DAAM1: variants seen among roughly 807,000 people sequenced by gnomAD.
The protein encoded by DAAM1 is dishevelled associated activator of morphogenesis 1.
Under a neutral mutation model 130.0 loss-of-function variants are expected in DAAM1, and 52 were observed. That is an observed-to-expected ratio of 0.40 (90% CI 0.32 to 0.50). The LOEUF (loss-of-function observed/expected upper bound fraction) is 0.50. Ranked by LOEUF, DAAM1 falls within the 20% of genes least tolerant of loss-of-function variation. The pLI is 0.61. For missense variants in DAAM1, 1,134 were observed against 1,303.8 expected (o/e 0.87, Z 2.01); for synonymous variants, 452 against 444.5 (o/e 1.02, Z -0.21).
intron 3 of DAAM1, among the ~76,000 whole-genome samples, chr14:59,292,432 C>T (rs573737821): frequency 4.0e-4 from 61 of 152,272 alleles, no homozygotes; most frequent in African/African-American, 1.4e-3. Flanking sequence ...GTGCCACTCT[C>T]CTGGGAGCAT....
At chr14:59,204,018 A>G (rs1050797722) in intron 1 of DAAM1, among the ~76,000 whole-genome samples, 1 of 152,244 alleles carries the variant, frequency 6.6e-6, no homozygotes, top group Non-Finnish European at 1.5e-5. Context: ...TTAGGTACTC[A>G]CTTGGTGTTG....
chr14:59,296,510 G>C (rs1160797431), intron 3 of DAAM1, among the ~76,000 whole-genome samples: 3 of 152,132 alleles, frequency 2.0e-5, no homozygotes, highest in Non-Finnish European at 4.4e-5. Context: ...GGATGGTCCT[G>C]GTAGGAGAAG....
At chr14:59,234,678 T>C (rs1221842640) in intron 1 of DAAM1, among the ~76,000 whole-genome samples, 1 of 152,172 alleles carries the variant, frequency 6.6e-6, no homozygotes, top group Non-Finnish European at 1.5e-5. Context: ...ACGGGAGTGG[T>C]GAGAGAGGGC....
intron 16 of DAAM1, 55 bp downstream of exon 16, chr14:59,340,235 G>A (rs1230756057): frequency 6.6e-7 from 1 of 1,526,088 alleles, no homozygotes; most frequent in African/African-American, 1.4e-5. Context: ...CCATTCTGTG[G>A]CTCAAAACCA....
intron 1 of DAAM1, among the ~76,000 whole-genome samples, chr14:59,241,480 G>A (rs1318848779): frequency 6.6e-6 from 1 of 152,186 alleles, no homozygotes; most frequent in Non-Finnish European, 1.5e-5. Flanking sequence ...TACTTTGTGG[G>A]AGCTTTTGTG....
intron 1 of DAAM1, among the ~76,000 whole-genome samples, chr14:59,194,606 C>T (rs1048232651): frequency 1.3e-5 from 2 of 152,216 alleles, no homozygotes; most frequent in Non-Finnish European, 2.9e-5. Flanking sequence ...CAGCCTCCCT[C>T]TTCCCTGTAG....
intron 21 of DAAM1, chr14:59,360,581 T>A: frequency 2.8e-6 from 1 of 362,652 alleles, no homozygotes; most frequent in Non-Finnish European, 4.9e-6. Flanking sequence ...TTTTAACCTG[T>A]AAAATATACC....
chr14:59,350,929 T>C (rs1245157331), intron 17 of DAAM1, among the ~76,000 whole-genome samples: 2 of 152,170 alleles, frequency 1.3e-5, no homozygotes, highest in African/African-American at 2.4e-5. Flanking sequence ...TTAAAACCAA[T>C]GCCATGCTTC....
intron 2 of DAAM1, among the ~76,000 whole-genome samples, chr14:59,280,603 G>A (rs1480957070): frequency 8.4e-6 from 1 of 118,852 alleles, no homozygotes; most frequent in Non-Finnish European, 1.6e-5. Flanking sequence ...ATGCAAAGAT[G>A]AATAGAACAA....
In DAAM1 at chr14:59,352,781, G is replaced by A. The variant is rs1182894199; in HGVS notation, c.2267+149G>A. On this transcript the variant is annotated intron_variant, in intron 18 of 24. Coordinates refer to ENST00000360909, the MANE Select transcript of DAAM1 (RefSeq NM_001270520.2). ...AAAAATCTTCTCAAGTCTGAGTGAT[G>A]TGGAATTTGTTCTGTTTATGTCACT... 7.1e-6 allele frequency: 5 copies of A among 702,482 alleles called. No homozygotes were observed. The South Asian group carries it at 8.3e-5, about 12-fold the overall frequency. The allele number at this position is 702,482 out of a possible 1,614,324, so 43.5% of individuals were successfully genotyped here.
rs562858963 is a variant in DAAM1, at chr14:59,315,294, C to T, written c.288C>T (p.Asn96=). The change falls in exon 4 of 25, where the codon AAC becomes AAT. Residue 96 remains asparagine (N), a synonymous_variant. Coordinates refer to ENST00000360909, the MANE Select transcript of DAAM1 (RefSeq NM_001270520.2). ...YCSKKKDQEE[N]KGATSWPEFY... The stretch of plus-strand genomic sequence containing the variant: ...CCCCTTTTTAGGACCAGGAAGAAAA[C>T]AAGGGAGCTACAAGTTGGCCTGAAT... 1 of 1,613,822 alleles carries T rather than the reference C, an allele frequency of 6.2e-7. No individual in the cohort carries two copies. The highest frequency in any genetic ancestry group is 2.2e-5 in the East Asian group (1 of 44,872).
At chr14:59,336,995 A>G (rs927964) in intron 15 of DAAM1, among the ~76,000 whole-genome samples, 94,421 of 151,986 alleles carry the variant, frequency 0.62, 30,323 homozygotes, top group East Asian at 0.9. Flanking sequence ...GCCTGATTCC[A>G]CAGGCCTCTA....
intron 3 of DAAM1, among the ~76,000 whole-genome samples, chr14:59,311,344 G>T (rs1324813733): frequency 2.0e-5 from 3 of 152,118 alleles, no homozygotes; most frequent in African/African-American, 4.8e-5. Flanking sequence ...TAAATTATTT[G>T]CTGTGGGAGG....
rs781615109 is a variant in DAAM1 at position 59,291,289 on chromosome 14, T to C, written c.256T>C (p.Tyr86His). ...ALPAEKKWQIYCSKKKDQEEN... is the reference protein window; with the variant it reads ...ALPAEKKWQIHCSKKKDQEEN... ...TCCAGCTGAGAAAAAATGGCAAATA[T>C]ACTGTAGCAAGAAAAAGGTAAGATT... Residue 86 changes from tyrosine (Y) to histidine (H), a missense_variant, in exon 3 of 25, where the codon TAC becomes CAC. By Grantham distance (83) the Tyr-to-His change is moderately conservative. Around this residue, in one of 3 missense-constraint regions of DAAM1, gnomAD observed 391 missense variants for 521.6 expected, o/e 0.75. Transcript: ENST00000360909. The C allele has an allele frequency of 3.1e-6, 5 of 1,609,554 alleles. No individual in the cohort carries two copies. The highest frequency in any genetic ancestry group is 4.2e-6 in the Non-Finnish European group (5 of 1,178,784).
intron 1 of DAAM1, among the ~76,000 whole-genome samples, chr14:59,263,213 T>C (rs949358990): frequency 2.6e-5 from 4 of 152,306 alleles, no homozygotes; most frequent in African/African-American, 9.6e-5. Flanking sequence ...GCTGGAGTTG[T>C]CCTGTTTGCT....
At chr14:59,200,045 T>C (rs1051975771) in intron 1 of DAAM1, among the ~76,000 whole-genome samples, 1 of 152,212 alleles carries the variant, frequency 6.6e-6, no homozygotes, top group Non-Finnish European at 1.5e-5. Context: ...CCTGCTGTTT[T>C]TATTTATTTG....
intron 1 of DAAM1, among the ~76,000 whole-genome samples, chr14:59,245,569 G>A (rs1881333145): frequency 6.6e-6 from 1 of 152,046 alleles, no homozygotes; most frequent in South Asian, 2.1e-4. Flanking sequence ...TAAAGATAAG[G>A]ATAGTAATAT....
intron 3 of DAAM1, among the ~76,000 whole-genome samples, chr14:59,313,951 GAGAT>G (rs1258858883): frequency 6.6e-6 from 1 of 152,194 alleles, no homozygotes; most frequent in Non-Finnish European, 1.5e-5. Context: ...TGCCTGAGTT[GAGAT>G]ATCAGTTACT....
At chr14:59,262,876 A>G (rs1234240556) in intron 1 of DAAM1, among the ~76,000 whole-genome samples, 1 of 152,204 alleles carries the variant, frequency 6.6e-6, no homozygotes, top group Non-Finnish European at 1.5e-5. Context: ...GGCCCACAAA[A>G]TACTTGATGC....
Sources: gnomAD v4.1 joint callset for allele counts (sites outside exome capture counted in the v4.1 genomes callset) on GRCh38, gnomAD v4.1.1 for gene constraint, gnomAD v4.1.1 regional missense constraint, MANE v1.5 for transcripts, NCBI Gene and HGNC (gene_info 2026-07-23, HGNC 2026-07-21) for gene names.